Variants in TMED10 observed in about 807,000 individuals in gnomAD.
The protein encoded by TMED10 is transmembrane p24 trafficking protein 10, also known as transmembrane emp24 domain-containing protein 10.
TMED10 carries 7 observed loss-of-function variants against 23.1 expected under a neutral mutation model. The ratio of observed to expected loss-of-function variants is 0.30; its 90% CI spans 0.17 to 0.57. The LOEUF (loss-of-function observed/expected upper bound fraction) is 0.57. Among genes scored for constraint, TMED10 ranks in the 20% least tolerant of loss-of-function variants. The pLI, the probability that TMED10 is intolerant of heterozygous loss-of-function variation, is 0.91. For synonymous variants in TMED10, 113 were observed against 106.9 expected (o/e 1.06, Z -0.35); for missense variants, 162 against 274.8 (o/e 0.59, Z 2.90).
intron 1 of TMED10, among the ~76,000 whole-genome samples, chr14:75,166,839 T>A (rs1313977032): frequency 6.6e-6 from 1 of 152,064 alleles, no homozygotes; most frequent in East Asian, 1.9e-4. Context: ...GGGCCATATT[T>A]CTCCCTACAG....
intron 1 of TMED10, among the ~76,000 whole-genome samples, chr14:75,171,603 GA>G (rs1384265187): frequency 1.4e-4 from 15 of 110,590 alleles, no homozygotes; most frequent in Non-Finnish European, 2.0e-5. Flanking sequence ...GGAGGAAGGA[GA>G]TATGAGCCAA....
rs1355237594 is a variant in TMED10, at chr14:75,176,242, G to A, written c.225+113C>T. 3.0e-6 allele frequency: 4 copies of A among 1,334,162 alleles called. No homozygotes were observed. In the African/African-American group the frequency reaches 4.3e-5, roughly 14 times the overall value. The allele number at this position is 1,334,162 out of a possible 1,614,324, so 82.6% of individuals were successfully genotyped here. On this transcript the variant is annotated intron_variant, in intron 1 of 4. Coordinates refer to ENST00000303575, the MANE Select transcript of TMED10 (RefSeq NM_006827.6). ...TCCACCGCACGTCCTTTGCGCTCCC[G>A]GGAGGCCAGAACAACTCCCAGGCCT... is the stretch of plus-strand genomic sequence containing the variant.
chr14:75,143,625 T>C (rs1895849011), intron 3 of TMED10, among the ~76,000 whole-genome samples: 1 of 151,928 alleles, frequency 6.6e-6, no homozygotes, highest in Non-Finnish European at 1.5e-5. Context: ...GACCATCTAG[T>C]CTAACACAAG....
chr14:75,148,744 G>C (rs188964444), intron 2 of TMED10, among the ~76,000 whole-genome samples: 181 of 152,264 alleles, frequency 1.2e-3, no homozygotes, highest in African/African-American at 4.1e-3. Context: ...ATGAACTGAA[G>C]TCAATTCAAT....
intron 1 of TMED10, among the ~76,000 whole-genome samples, chr14:75,169,664 A>C (rs945482218): frequency 1.3e-5 from 2 of 152,166 alleles, no homozygotes; most frequent in Admixed American, 1.3e-4. Context: ...ATCTCAAAAA[A>C]AAGACTGCCT....
intron 1 of TMED10, among the ~76,000 whole-genome samples, chr14:75,161,578 C>T (rs1025921470): frequency 1.3e-5 from 2 of 152,182 alleles, no homozygotes; most frequent in African/African-American, 4.8e-5. Flanking sequence ...ACAGACTCTT[C>T]ATTTTCAACC....
At chr14:75,155,799 G>C (rs1896013721) in intron 1 of TMED10, among the ~76,000 whole-genome samples, 1 of 151,732 alleles carries the variant, frequency 6.6e-6, no homozygotes. Flanking sequence ...TGAAGGCCTG[G>C]GTCCAGAAAA....
chr14:75,135,155 G>T, intron 4 of TMED10, 149 bp from the exon 5 acceptor site: 1 of 1,068,334 alleles, frequency 9.4e-7, no homozygotes, highest in Non-Finnish European at 1.3e-6. Context: ...TTCTTTTTAA[G>T]TTCATTATCC....
chr14:75,155,350 G>A (rs1350480665), intron 1 of TMED10, among the ~76,000 whole-genome samples: 1 of 152,206 alleles, frequency 6.6e-6, no homozygotes, highest in East Asian at 1.9e-4. Flanking sequence ...AAGGGCTTAT[G>A]AGTCTAAATG....
intron 3 of TMED10, among the ~76,000 whole-genome samples, chr14:75,136,300 A>G (rs1895748995): frequency 6.6e-6 from 1 of 152,146 alleles, no homozygotes; most frequent in Non-Finnish European, 1.5e-5. Flanking sequence ...CTGGGACCAC[A>G]GTCATGCACT....
rs1895726980 is a variant in TMED10, at chr14:75,134,750, CAA to C, written c.*133_*134del. 1 of 1,223,636 alleles carries C rather than the reference CAA, an allele frequency of 8.2e-7. No individual in the cohort carries two copies. The highest frequency in any genetic ancestry group is 1.4e-5 in the South Asian group (1 of 72,696). The allele number at this position is 1,223,636 out of a possible 1,614,324, so 75.8% of individuals were successfully genotyped here. ...GGTGGTACCCCATGTCCTCCCACAC[CAA>C]AAGAGATCAGTTCTGGCAAGAAAGC... On this transcript the variant is annotated 3_prime_UTR_variant, in exon 5 of 5. Transcript: ENST00000303575.
At chr14:75,164,229 CT>C (rs765743077) in intron 1 of TMED10, among the ~76,000 whole-genome samples, 2,144 of 118,482 alleles carry the variant, frequency 0.018, 12 homozygotes, top group Admixed American at 0.024. Flanking sequence ...CCATGCCCGG[CT>C]TTTTTTTTTT....
intron 1 of TMED10, 72 bp downstream of exon 1, chr14:75,176,283 C>T: frequency 6.3e-7 from 1 of 1,584,438 alleles, no homozygotes; most frequent in Admixed American, 1.7e-5. Flanking sequence ...GGCCCGACTC[C>T]CCCGAACCCG....
Position 75,146,965 on chromosome 14 carries a change from G to A in TMED10, c.411+699C>T, listed in dbSNP as rs776507492. ...TAGATATACAACTGTTGGTCTTGGG[G>A]AAAAAGTCTTAGGAATTAAAAACAA... is the stretch of plus-strand genomic sequence containing the variant. On this transcript the variant is annotated intron_variant, in intron 3 of 4. Coordinates refer to ENST00000303575, the MANE Select transcript of TMED10 (RefSeq NM_006827.6). Among the ~76,000 whole-genome samples the A allele has an allele frequency of 2.0e-5, 3 of 151,628 alleles. No homozygotes were observed. The South Asian group carries it at 6.2e-4, about 32-fold the overall frequency.
chr14:75,171,495 G>A (rs1896232817), intron 1 of TMED10, among the ~76,000 whole-genome samples: 1 of 152,068 alleles, frequency 6.6e-6, no homozygotes. Context: ...GGCCAGGCTG[G>A]TCTCAAACTC....
intron 3 of TMED10, among the ~76,000 whole-genome samples, chr14:75,141,321 A>G (rs1003619111): frequency 4.6e-5 from 7 of 152,194 alleles, no homozygotes; most frequent in African/African-American, 1.4e-4. Context: ...TAGTCTAGAC[A>G]TAAGTAGTCT....
intron 1 of TMED10, among the ~76,000 whole-genome samples, chr14:75,155,090 C>T (rs1413293991): frequency 6.6e-6 from 1 of 152,076 alleles, no homozygotes; most frequent in Non-Finnish European, 1.5e-5. Flanking sequence ...TCCCAAGTAG[C>T]TGGGACTACA....
chr14:75,137,785 G>A (rs1895771589), intron 3 of TMED10, among the ~76,000 whole-genome samples: 1 of 148,248 alleles, frequency 6.7e-6, no homozygotes, highest in Non-Finnish European at 1.5e-5. Flanking sequence ...TTGGCTCACT[G>A]CAACCTCTGC....
At chr14:75,151,494 C>T (rs1411972266) in intron 2 of TMED10, among the ~76,000 whole-genome samples, 1 of 152,226 alleles carries the variant, frequency 6.6e-6, no homozygotes, top group Non-Finnish European at 1.5e-5. Context: ...GCTGGGATTA[C>T]AGGCATGAGC....
Sources: allele counts gnomAD v4.1 joint callset (sites outside exome capture counted in the v4.1 genomes callset), GRCh38; gene constraint gnomAD v4.1.1; transcripts MANE v1.5; gene names NCBI Gene and HGNC (gene_info 2026-07-23, HGNC 2026-07-21).